DCAF12: variants seen among roughly 807,000 people sequenced by gnomAD.
DCAF12 encodes DDB1 and CUL4 associated factor 12, also known as DDB1- and CUL4-associated factor 12.
Under a neutral mutation model 52.8 loss-of-function variants are expected in DCAF12, and 28 were observed. That is an observed-to-expected ratio of 0.53 (90% CI 0.39 to 0.73). The LOEUF (loss-of-function observed/expected upper bound fraction) is 0.73, where lower values mean the gene tolerates loss of function less well. Ranked by LOEUF, DCAF12 falls within the 30% of genes least tolerant of loss-of-function variation. DCAF12 has a pLI of 0.00. For missense variants in DCAF12, 425 were observed against 552.2 expected (o/e 0.77, Z 2.31); for synonymous variants, 196 against 215.5 (o/e 0.91, Z 0.79).
intron 4 of DCAF12, among the ~76,000 whole-genome samples, chr9:34,100,145 C>T (rs1828803585): frequency 6.6e-6 from 1 of 151,826 alleles, no homozygotes; most frequent in African/African-American, 2.4e-5. Context: ...AGTGATCCTC[C>T]TGCCTCAGCC....
At chr9:34,123,935 C>T (rs1489742162) in intron 2 of DCAF12, among the ~76,000 whole-genome samples, 1 of 152,138 alleles carries the variant, frequency 6.6e-6, no homozygotes, top group Non-Finnish European at 1.5e-5. Context: ...CAAGCGACTC[C>T]TCAACAGAAG....
Position 34,091,462 on chromosome 9 carries a change from A to G in DCAF12, c.1024+1824T>C, listed in dbSNP as rs964632635. 3.3e-5 allele frequency among the ~76,000 whole-genome samples: 5 copies of G among 151,852 alleles called. No homozygotes were observed. The South Asian group carries it at 1.0e-3, about 32-fold the overall frequency. On this transcript the variant is annotated intron_variant, in intron 7 of 8. Coordinates refer to ENST00000361264, the MANE Select transcript of DCAF12 (RefSeq NM_015397.4). Reference sequence around the variant, plus strand: ...GACAACTCTGGGCAACATGATGAGAACCTGTCTCTACAAAAATACAAAAAT... The same window carrying G: ...GACAACTCTGGGCAACATGATGAGAGCCTGTCTCTACAAAAATACAAAAAT...
chr9:34,117,111 A>G (rs1445178404), intron 2 of DCAF12, among the ~76,000 whole-genome samples: 1 of 152,250 alleles, frequency 6.6e-6, no homozygotes, highest in Non-Finnish European at 1.5e-5. Flanking sequence ...ATGGTACTTC[A>G]TAATAGGTCT....
chr9:34,086,962 T>G lies in DCAF12; in HGVS notation c.*1388A>C, dbSNP rs769368987. 1 of 152,134 alleles carries G rather than the reference T, an allele frequency of 6.6e-6. No homozygotes were observed. Among genetic ancestry groups the G allele is most frequent in the Admixed American group, 6.6e-5 (1 of 15,256 alleles). The allele number at this position is 152,134 out of a possible 1,614,324, so 9.4% of individuals were successfully genotyped here. ...GTATGTGCTTAGAGGAACTGGTGGG[T>G]GGGAACAGCTGTTATCTTTGACATG... On this transcript the variant is annotated 3_prime_UTR_variant, in exon 9 of 9. Transcript: ENST00000361264.
chr9:34,089,585 G>T lies in DCAF12; in HGVS notation c.1030C>A (p.Arg344=), dbSNP rs768755671. Residue 344 remains arginine (R), a synonymous_variant, in exon 8 of 9, where the codon CGG becomes AGG. Coordinates refer to ENST00000361264, the MANE Select transcript of DCAF12 (RefSeq NM_015397.4). The part of the protein sequence containing the change: ...VCSRERGSGI[R]SVSFYEHIIT... ...ATGTGCTCGTAGAAACTCACTGACC[G>T]GATTCCTGAAAGACAGAAAAGTAAA... 1 of 1,601,402 alleles carries T rather than the reference G, an allele frequency of 6.2e-7. No individual in the cohort carries two copies.
chr9:34,124,500 T>TA (rs1320265464), intron 2 of DCAF12, among the ~76,000 whole-genome samples: 3 of 152,228 alleles, frequency 2.0e-5, no homozygotes, highest in Non-Finnish European at 2.9e-5. Flanking sequence ...TACCCTGAAA[T>TA]ATACTACCAG....
At chr9:34,118,470 T>C (rs1829120229) in intron 2 of DCAF12, among the ~76,000 whole-genome samples, 1 of 152,100 alleles carries the variant, frequency 6.6e-6, no homozygotes, top group African/African-American at 2.4e-5. Flanking sequence ...ATGCTAACAG[T>C]TAACGTGTAA....
At chr9:34,104,480 C>T (rs1192445786) in intron 4 of DCAF12, among the ~76,000 whole-genome samples, 1 of 152,098 alleles carries the variant, frequency 6.6e-6, no homozygotes, top group Admixed American at 6.6e-5. Flanking sequence ...AAATTTGTTT[C>T]TCATCTTACA....
chr9:34,124,308 A>T (rs897316048), intron 2 of DCAF12, among the ~76,000 whole-genome samples: 1 of 152,182 alleles, frequency 6.6e-6, no homozygotes, highest in Non-Finnish European at 1.5e-5. Context: ...TTCATTTGCC[A>T]GTCTTGTGAC....
rs1587744457 is a variant in DCAF12, at chr9:34,125,210, T to C, written c.146A>G (p.Tyr49Cys). Residue 49 changes from tyrosine (Y) to cysteine (C), a missense_variant, in exon 2 of 9, where the codon TAC becomes TGC. Tyr to Cys is a radical substitution (Grantham distance 194, BLOSUM62 -2). Coordinates refer to ENST00000361264, the MANE Select transcript of DCAF12 (RefSeq NM_015397.4). Reference protein sequence around the residue: ...LPPVKRSLVYYLKNREVRLQN... With the variant: ...LPPVKRSLVYCLKNREVRLQN... ...TAGCCTGACTTCCCGGTTCTTCAAG[T>C]AGTATACTAAGGATCTCTTCACAGG... The C allele has an allele frequency of 1.2e-6, 2 of 1,614,212 alleles. No individual in the cohort carries two copies. The highest frequency in any genetic ancestry group is 1.7e-6 in the Non-Finnish European group (2 of 1,180,036).
intron 4 of DCAF12, among the ~76,000 whole-genome samples, chr9:34,099,284 T>C (rs189104294): frequency 6.6e-6 from 1 of 152,186 alleles, no homozygotes; most frequent in African/African-American, 2.4e-5. Context: ...ATGCCTAGGC[T>C]GGAGTGCAAT....
chr9:34,103,041 G>GATCA (rs1828853682), intron 4 of DCAF12, among the ~76,000 whole-genome samples: 1 of 138,330 alleles, frequency 7.2e-6, no homozygotes, highest in Non-Finnish European at 1.5e-5. Flanking sequence ...AGTGAGCCAT[G>GATCA]ATCACATCAC....
chr9:34,091,686 T>C (rs1207087859), intron 7 of DCAF12, among the ~76,000 whole-genome samples: 2 of 141,112 alleles, frequency 1.4e-5, no homozygotes, highest in African/African-American at 5.2e-5. Flanking sequence ...AAACAAAAGC[T>C]ACTTTGCAGT....
intron 6 of DCAF12, among the ~76,000 whole-genome samples, chr9:34,095,310 T>G (rs1031640503): frequency 9.3e-5 from 14 of 150,748 alleles, no homozygotes; most frequent in African/African-American, 3.2e-4. Context: ...CTTGACCTCA[T>G]GATCCACCTG....
At chr9:34,117,094 A>G (rs1184897095) in intron 2 of DCAF12, among the ~76,000 whole-genome samples, 2 of 152,236 alleles carry the variant, frequency 1.3e-5, no homozygotes, top group African/African-American at 2.4e-5. Context: ...GCTAGCTAAG[A>G]TAAGTAATGG....
chr9:34,108,803 A>AAAAT (rs1473531778), intron 2 of DCAF12, among the ~76,000 whole-genome samples: 1 of 102,908 alleles, frequency 9.7e-6, no homozygotes, highest in African/African-American at 3.7e-5. Context: ...CAAAAAAAAT[A>AAAAT]AATAAATAAA....
At chr9:34,093,857 T>C in intron 6 of DCAF12, 1 of 179,048 alleles carries the variant, frequency 5.6e-6, no homozygotes, top group Admixed American at 5.5e-5. Flanking sequence ...GGCTGATCTC[T>C]GGCTACCCCC....
At chr9:34,098,681 T>C (rs1828778225) in intron 4 of DCAF12, among the ~76,000 whole-genome samples, 164 bp from the exon 5 acceptor site, 2 of 152,262 alleles carry the variant, frequency 1.3e-5, no homozygotes, top group African/African-American at 4.8e-5. Flanking sequence ...GTAGGCATTT[T>C]AATAGCTACA....
At position 34,100,300 on chromosome 9, in the gene DCAF12, G is replaced by A. The variant is rs375301051; in HGVS notation, c.602-1783C>T. On this transcript the variant is annotated intron_variant, in intron 4 of 8. Transcript: ENST00000361264. ...TGCAAGCTCCGCCTCCTGGGTTCAC[G>A]CCATTCTCCTGCCTCAGCCTCCTGA... 5.4e-5 allele frequency among the ~76,000 whole-genome samples: 8 copies of A among 149,474 alleles called. No individual in the cohort carries two copies. In the East Asian group the frequency reaches 6.0e-4, roughly 11 times the overall value.
Sources: allele counts gnomAD v4.1 joint callset (sites outside exome capture counted in the v4.1 genomes callset), GRCh38; gene constraint gnomAD v4.1.1; transcripts MANE v1.5; gene names NCBI Gene and HGNC (gene_info 2026-07-23, HGNC 2026-07-21).